The following SLCO3A1 variants were observed in gnomAD, a reference collection of about 807,000 sequenced individuals.
SLCO3A1 encodes solute carrier organic anion transporter family member 3A1.
A neutral mutation model predicts 63.1 loss-of-function variants in SLCO3A1; 27 were observed. The observed-to-expected ratio is 0.43, with a 90% confidence interval of 0.32 to 0.59. The LOEUF (loss-of-function observed/expected upper bound fraction) is 0.59, where lower values mean the gene tolerates loss of function less well. Ranked by LOEUF, SLCO3A1 falls within the 20% of genes least tolerant of loss-of-function variation. The pLI, the probability that SLCO3A1 is intolerant of heterozygous loss-of-function variation, is 0.09. For synonymous variants in SLCO3A1, 473 were observed against 409.9 expected, an observed-to-expected ratio of 1.15 and a Z score of -1.86; for missense variants, 773 against 945.8, an observed-to-expected ratio of 0.82 and a Z score of 2.40.
chr15:91,880,174 T>C lies in SLCO3A1; in HGVS notation c.180+26086T>C, dbSNP rs149024288. Among the ~76,000 whole-genome samples the C allele has an allele frequency of 7.1e-3, 1,030 of 145,378 alleles. 4 individuals carry two copies. The highest frequency in any genetic ancestry group is 0.011 in the Middle Eastern group (3 of 280). Reference sequence around the variant, plus strand: ...CCATCCATCCATCCATCCATCCATCTATCTATCTATCTATCTATCTATCAT... The same window carrying C: ...CCATCCATCCATCCATCCATCCATCCATCTATCTATCTATCTATCTATCAT... On this transcript the variant is annotated intron_variant, in intron 1 of 9. Transcript: ENST00000318445.
intron 2 of SLCO3A1, among the ~76,000 whole-genome samples, chr15:91,980,154 T>A (rs1333128730): frequency 6.6e-6 from 1 of 152,192 alleles, no homozygotes; most frequent in African/African-American, 2.4e-5. Context: ...CGGCCTCAGC[T>A]GTCCCTGTGT....
chr15:92,080,625 C>T (rs2047332138), intron 2 of SLCO3A1, among the ~76,000 whole-genome samples: 2 of 152,138 alleles, frequency 1.3e-5, no homozygotes, highest in Non-Finnish European at 2.9e-5. Flanking sequence ...AGGCCCATGC[C>T]CATACCAGAC....
At chr15:92,067,667 G>A (rs978988776) in intron 2 of SLCO3A1, among the ~76,000 whole-genome samples, 1 of 152,176 alleles carries the variant, frequency 6.6e-6, no homozygotes, top group African/African-American at 2.4e-5. Flanking sequence ...TTTGGAACTG[G>A]ATGTCTAGAG....
intron 2 of SLCO3A1, among the ~76,000 whole-genome samples, chr15:92,046,414 C>T (rs1047343709): frequency 6.6e-6 from 1 of 152,032 alleles, no homozygotes; most frequent in African/African-American, 2.4e-5. Flanking sequence ...CCTATAATCC[C>T]AGCTACTTGG....
intron 1 of SLCO3A1, among the ~76,000 whole-genome samples, chr15:91,873,849 C>T (rs950448291): frequency 6.6e-6 from 1 of 152,188 alleles, no homozygotes; most frequent in Non-Finnish European, 1.5e-5. Context: ...TGTTTATAAA[C>T]AGCCACAAAC....
In SLCO3A1 at chr15:92,033,879, G is replaced by C. The variant is rs1334808810; in HGVS notation, c.647-61002G>C. ...AAAACATTCCAGACAGACCAGTGAG[G>C]GCTGAGGCTTATTAGGGCTGGAGCA... On this transcript the variant is annotated intron_variant, in intron 2 of 9. Transcript: ENST00000318445. The surrounding 1 kb of genome is among the most constrained non-coding windows in gnomAD (Gnocchi z 4.5). Among the ~76,000 whole-genome samples the C allele has an allele frequency of 6.6e-6, 1 of 152,168 alleles. No individual in the cohort carries two copies. Among genetic ancestry groups the C allele is most frequent in the Admixed American group, 6.5e-5 (1 of 15,278 alleles).
intron 7 of SLCO3A1, among the ~76,000 whole-genome samples, chr15:92,133,337 T>C (rs1462901855): frequency 6.8e-6 from 1 of 146,316 alleles, no homozygotes; most frequent in East Asian, 1.9e-4. Flanking sequence ...TCAGTCTCTT[T>C]TTTCTTCTCA....
intron 1 of SLCO3A1, among the ~76,000 whole-genome samples, chr15:91,873,959 A>C (rs891823911): frequency 1.3e-5 from 2 of 152,050 alleles, no homozygotes; most frequent in African/African-American, 2.4e-5. Flanking sequence ...TTACCATCTT[A>C]ATCATTTTGA....
At chr15:92,120,371 C>A (rs541217834) in intron 4 of SLCO3A1, 94 bp from the exon 5 acceptor site, 2 of 1,302,300 alleles carry the variant, frequency 1.5e-6, no homozygotes, top group Non-Finnish European at 2.1e-6. Context: ...TGGACAAGAG[C>A]GGGCCAAGAA....
chr15:92,163,174 G>T lies in SLCO3A1; in HGVS notation c.*39G>T. 1 of 1,422,714 alleles carries T rather than the reference G, an allele frequency of 7.0e-7. No individual in the cohort carries two copies. Among genetic ancestry groups the T allele is most frequent in the South Asian group, 1.8e-5 (1 of 55,614 alleles). The allele number at this position is 1,422,714 out of a possible 1,614,324, so 88.1% of individuals were successfully genotyped here. On this transcript the variant is annotated 3_prime_UTR_variant, in exon 10 of 10. Coordinates refer to ENST00000318445, the MANE Select transcript of SLCO3A1 (RefSeq NM_013272.4). ...GCTGAACTCTGTATTAGTAATCCAA[G>T]GGTCATTTTTTTCTTAAAAAAAGAA...
At chr15:91,917,570 G>T (rs1898704357) in intron 2 of SLCO3A1, among the ~76,000 whole-genome samples, 1 of 152,100 alleles carries the variant, frequency 6.6e-6, no homozygotes, top group Non-Finnish European at 1.5e-5. Context: ...AGCAGGCTCT[G>T]GGCAGGAAAG....
intron 4 of SLCO3A1, among the ~76,000 whole-genome samples, chr15:92,118,319 C>CCAATCCAACACA (rs1183416506): frequency 1.3e-5 from 2 of 152,210 alleles, no homozygotes; most frequent in Non-Finnish European, 2.9e-5. Flanking sequence ...ACACAGGATT[C>CCAATCCAACACA]GGTTGCTCAG....
intron 2 of SLCO3A1, among the ~76,000 whole-genome samples, chr15:92,069,648 A>C (rs1430035572): frequency 6.6e-6 from 1 of 152,114 alleles, no homozygotes; most frequent in African/African-American, 2.4e-5. Context: ...GGGATCCCAG[A>C]ATGAGAGCTG....
At position 92,020,217 on chromosome 15, in the gene SLCO3A1, C is replaced by CTA. The variant is rs202148035; in HGVS notation, c.647-74657_647-74656dup. Among the ~76,000 whole-genome samples the CTA allele has an allele frequency of 3.6e-3, 518 of 143,116 alleles. 1 individual carries two copies. The highest frequency in any genetic ancestry group is 6.8e-3 in the Middle Eastern group (2 of 292). The allele number at this position is 143,116 out of a possible 152,430, so 93.9% of individuals were successfully genotyped here. A position where few individuals can be genotyped will look rare whatever the true frequency, so the allele number is the denominator to read the frequency against. ...GCATGTGTATATATACACACACACA[C>CTA]TATATATACACACACACACACTATA... On this transcript the variant is annotated intron_variant, in intron 2 of 9. Coordinates refer to ENST00000318445, the MANE Select transcript of SLCO3A1 (RefSeq NM_013272.4).
intron 2 of SLCO3A1, among the ~76,000 whole-genome samples, chr15:91,936,429 A>G (rs906673653): frequency 3.3e-5 from 5 of 152,256 alleles, no homozygotes; most frequent in African/African-American, 1.2e-4. Flanking sequence ...CAGTAGCCAC[A>G]TGTGACTGTT....
Position 91,883,771 on chromosome 15 carries a change from C to T in SLCO3A1, c.180+29683C>T, listed in dbSNP as rs375100234. Among the ~76,000 whole-genome samples, 3 of 152,090 alleles carry T rather than the reference C, an allele frequency of 2.0e-5. No individual in the cohort carries two copies. The highest frequency in any genetic ancestry group is 4.8e-5 in the African/African-American group (2 of 41,398). On this transcript the variant is annotated intron_variant, in intron 1 of 9. Transcript: ENST00000318445. This position sits in a 1 kb window ranked among gnomAD's most constrained non-coding sequence, Gnocchi z 4.8. ...AGTGTGTTTGTAATATCCTACTTAC[C>T]GATAGTAGTGTAGCATCCTGATAGT...
intron 2 of SLCO3A1, among the ~76,000 whole-genome samples, chr15:91,949,097 A>G (rs1232649484): frequency 6.6e-6 from 1 of 152,074 alleles, no homozygotes; most frequent in Non-Finnish European, 1.5e-5. Flanking sequence ...GCATGCAGGT[A>G]TCTAGGTGTG....
intron 5 of SLCO3A1, among the ~76,000 whole-genome samples, chr15:92,124,238 G>A (rs566524881): frequency 9.8e-5 from 15 of 152,344 alleles, no homozygotes; most frequent in African/African-American, 3.4e-4. Flanking sequence ...AGATAAAAAG[G>A]ACTCAATCTG....
At chr15:92,039,863 A>ACCATGC (rs1262115407) in intron 2 of SLCO3A1, among the ~76,000 whole-genome samples, 2,280 of 152,278 alleles carry the variant, frequency 0.015, 53 homozygotes, top group African/African-American at 0.053. Context: ...GTACATATAC[A>ACCATGC]CAGTGGAATA....
Sources: gnomAD v4.1 joint callset for allele counts (sites outside exome capture counted in the v4.1 genomes callset) on GRCh38, gnomAD v4.1.1 for gene constraint, Gnocchi (gnomAD v3.1) non-coding constraint, MANE v1.5 for transcripts, NCBI Gene and HGNC (gene_info 2026-07-23, HGNC 2026-07-21) for gene names.